Variants in BTNL2 observed in about 807,000 individuals in gnomAD.
The protein encoded by BTNL2 is butyrophilin-like protein 2.
A neutral mutation model predicts 46.8 loss-of-function variants in BTNL2; 46 were observed. The ratio of observed to expected loss-of-function variants is 0.98; its 90% CI spans 0.78 to 1.26. The LOEUF (loss-of-function observed/expected upper bound fraction) is 1.26, where lower values mean the gene tolerates loss of function less well. Among genes scored for constraint, BTNL2 ranks in the 50% most tolerant of loss-of-function variants. BTNL2 has a pLI of 0.00. For synonymous variants in BTNL2, 226 were observed against 229.1 expected, an observed-to-expected ratio of 0.99 and a Z score of 0.12; for missense variants, 461 against 592.6, an observed-to-expected ratio of 0.78 and a Z score of 2.31.
chr6:32,396,515 TC>T lies in BTNL2; in HGVS notation c.731-130del. ...AGGGTTGCTGTGAGGCTCAGGGTCA[TC>T]CTTAGGTGAGGTGGGGGTTTCATGG... On this transcript the variant is annotated intron_variant, in intron 4 of 7. Transcript: ENST00000454136. This position sits in a 1 kb window ranked among gnomAD's most constrained non-coding sequence, Gnocchi z 4.4. The T allele has an allele frequency of 3.4e-6, 3 of 885,954 alleles. No individual in the cohort carries two copies. Among genetic ancestry groups the T allele is most frequent in the Non-Finnish European group, 3.6e-6 (2 of 560,102 alleles). 54.9% of individuals were successfully genotyped at this position (885,954 alleles called of 1,614,324 possible). A position where few individuals can be genotyped will look rare whatever the true frequency, so the allele number is the denominator to read the frequency against.
At position 32,402,998 on chromosome 6, in the gene BTNL2, C is replaced by A. The variant is rs1776878673; in HGVS notation, c.646G>T (p.Val216Leu). Residue 216 changes from valine (V) to leucine (L), a missense_variant, in exon 3 of 8, where the codon GTG (valine) becomes TTG (leucine). Transcript: ENST00000454136. ...ACGGGGTTGTGGACCAAGCAGGACACAGACTCTGCAGAGGCGTTCCTGACC... is the reference window on the plus strand; with the variant it reads ...ACGGGGTTGTGGACCAAGCAGGACAAAGACTCTGCAGAGGCGTTCCTGACC... ...LVVRNASAESVSCLVHNPVLT... is the reference protein window; with the variant it reads ...LVVRNASAESLSCLVHNPVLT... The A allele has an allele frequency of 6.2e-7, 1 of 1,612,920 alleles. No individual in the cohort carries two copies. Among genetic ancestry groups the A allele is most frequent in the African/African-American group, 1.3e-5 (1 of 74,914 alleles).
In BTNL2 at chr6:32,394,932, T is replaced by A; in HGVS notation, c.1172A>T (p.His391Leu). 6.2e-7 allele frequency: 1 copy of A among 1,614,150 alleles called. No homozygotes were observed. The highest frequency in any genetic ancestry group is 1.1e-5 in the South Asian group (1 of 91,076). ...CSSDGWFPQPHVPWRDMEGKT... is the reference protein window; with the variant it reads ...CSSDGWFPQPLVPWRDMEGKT... ...TCCTTCCATGTCCCTCCATGGCACG[T>A]GGGGCTGTGGGAACCACCCATCTGA... Residue 391 changes from histidine (H) to leucine (L), a missense_variant, in exon 6 of 8, where the codon CAC becomes CTC. Physicochemically the swap from His to Leu is moderately conservative, Grantham distance 99. Transcript: ENST00000454136. The surrounding 1 kb of genome is among the most constrained non-coding windows in gnomAD (Gnocchi z 4.6).
chr6:32,399,974 G>A lies in BTNL2; in HGVS notation c.730+1811C>T, dbSNP rs910704431. Among the ~76,000 whole-genome samples the A allele has an allele frequency of 6.6e-6, 1 of 151,702 alleles. No homozygotes were observed. On this transcript the variant is annotated intron_variant, in intron 4 of 7. Coordinates refer to ENST00000454136, the MANE Select transcript of BTNL2 (RefSeq NM_001304561.2). The surrounding 1 kb of genome is among the most constrained non-coding windows in gnomAD (Gnocchi z 5.2). ...TTCCGTGTTGGTTAATTGTGGCCCC[G>A]GAGGTTACCATGACTTAGGAACAAC...
In BTNL2 at chr6:32,403,166, C is replaced by T. The variant is rs1776898890; in HGVS notation, c.478G>A (p.Val160Ile). Residue 160 changes from valine (V) to isoleucine (I), a missense_variant, in exon 3 of 8, where the codon GTC (valine) becomes ATC (isoleucine). Val to Ile is a conservative substitution (Grantham distance 29). Transcript: ENST00000454136. ...IHMEGPGESGVQLVCTARGWF... is the reference protein window; with the variant it reads ...IHMEGPGESGIQLVCTARGWF... ...CCCCTTGCAGTGCACACAAGCTGGA[C>T]TCCACTCTCCCCAGGTCCCTCCATG... The T allele has an allele frequency of 1.9e-6, 3 of 1,612,138 alleles. No homozygotes were observed. The highest frequency in any genetic ancestry group is 2.5e-6 in the Non-Finnish European group (3 of 1,179,718).
At position 32,405,325 on chromosome 6, in the gene BTNL2, A is replaced by G. The variant is rs755298818; in HGVS notation, c.80-39T>C. On this transcript the variant is annotated intron_variant, in intron 1 of 7. Transcript: ENST00000454136. Reference sequence around the variant, plus strand: ...GAAAAAGAGGAACGAGGAAATGCCAATCAGAAAATCATATGCATGCTTTGG... The same window carrying G: ...GAAAAAGAGGAACGAGGAAATGCCAGTCAGAAAATCATATGCATGCTTTGG... 6.9e-6 allele frequency: 11 copies of G among 1,589,642 alleles called. No homozygotes were observed. In the South Asian group the frequency reaches 1.1e-4, roughly 16 times the overall value.
At position 32,407,160 on chromosome 6, in the gene BTNL2, A is replaced by C. The variant is rs368721492; in HGVS notation, c.-37T>G. The C allele has an allele frequency of 9.5e-4, 1,506 of 1,588,216 alleles. 1 individual carries two copies. Among genetic ancestry groups the C allele is most frequent in the South Asian group, 1.1e-3 (100 of 90,504 alleles). ...CAAAGACAAGGAAACGCTGTGCCTA[A>C]GTGAGGCTGTGACACACCCGGCACA... On this transcript the variant is annotated 5_prime_UTR_variant, in exon 1 of 8. Transcript: ENST00000454136.
Position 32,396,135 on chromosome 6 carries a change from T to A in BTNL2, c.982A>T (p.Ile328Leu), listed in dbSNP as rs748969697. 36 of 1,612,972 alleles carry A rather than the reference T, an allele frequency of 2.2e-5. No homozygotes were observed. The highest frequency in any genetic ancestry group is 3.0e-5 in the Non-Finnish European group (35 of 1,180,036). Residue 328 changes from isoleucine to leucine, a missense_variant, in exon 5 of 8, where the codon ATA becomes TTA. By Grantham distance (5) the Ile-to-Leu change is conservative (BLOSUM62 2). Coordinates refer to ENST00000454136, the MANE Select transcript of BTNL2 (RefSeq NM_001304561.2). This position sits in a 1 kb window ranked among gnomAD's most constrained non-coding sequence, Gnocchi z 4.4. The part of the protein sequence containing the change: ...AIDEGRLTLQ[I>L]LSARPSDDGQ... The stretch of plus-strand genomic sequence containing the variant: ...TCGTCCGAAGGTCTGGCACTGAGTA[T>A]CTGCAGGGTCAGTCTGCCCTCGTCA...
rs34525489 is a variant in BTNL2 at position 32,394,117 on chromosome 6, A to G, written c.1361-60T>C. 184,867 of 1,493,740 alleles carry G rather than the reference A, an allele frequency of 0.12. 14,979 individuals carry two copies. The highest frequency in any genetic ancestry group is 0.13 in the Admixed American group (6,372 of 50,076). The allele number at this position is 1,493,740 out of a possible 1,614,324, so 92.5% of individuals were successfully genotyped here. ...GAAACTGGGACAATATTAAGATTGTACTTTTCATCTGAGCAGCTTCTAGGC... is the reference window on the plus strand; with the variant it reads ...GAAACTGGGACAATATTAAGATTGTGCTTTTCATCTGAGCAGCTTCTAGGC... On this transcript the variant is annotated intron_variant, in intron 6 of 7. Transcript: ENST00000454136. This position sits in a 1 kb window ranked among gnomAD's most constrained non-coding sequence, Gnocchi z 4.6.
In BTNL2 at chr6:32,396,967, G is replaced by A. The variant is rs140730740; in HGVS notation, c.731-581C>T. Reference sequence around the variant, plus strand: ...TGCACTCCAGGCTGGGTGACAAAGCGAGACTTTAAAAACAAACAAACAAAA... The same window carrying A: ...TGCACTCCAGGCTGGGTGACAAAGCAAGACTTTAAAAACAAACAAACAAAA... On this transcript the variant is annotated intron_variant, in intron 4 of 7. Coordinates refer to ENST00000454136, the MANE Select transcript of BTNL2 (RefSeq NM_001304561.2). This position sits in a 1 kb window ranked among gnomAD's most constrained non-coding sequence, Gnocchi z 4.4. Among the ~76,000 whole-genome samples the A allele has an allele frequency of 0.012, 1,798 of 152,122 alleles. 62 individuals are homozygous for A. Among genetic ancestry groups the A allele is most frequent in the East Asian group, 0.1 (535 of 5,118 alleles).
chr6:32,401,717 G>A, intron 4 of BTNL2, 68 bp downstream of exon 4: 17 of 1,448,584 alleles, frequency 1.2e-5, no homozygotes, highest in Non-Finnish European at 1.5e-5. Context: ...TCTCGTGGTA[G>A]CTCCCCTCCC....
Position 32,399,326 on chromosome 6 carries a change from G to A in BTNL2, c.730+2459C>T, listed in dbSNP as rs780117826. Reference sequence around the variant, plus strand: ...TGAAAAATTAATTCCCTTCTGGAGCGTGAAGTACACTGAATTATACACTGA... The same window carrying A: ...TGAAAAATTAATTCCCTTCTGGAGCATGAAGTACACTGAATTATACACTGA... On this transcript the variant is annotated intron_variant, in intron 4 of 7. Transcript: ENST00000454136. This position sits in a 1 kb window ranked among gnomAD's most constrained non-coding sequence, Gnocchi z 5.2. Among the ~76,000 whole-genome samples, 16 of 152,280 alleles carry A rather than the reference G, an allele frequency of 1.1e-4. No homozygotes were observed. Among genetic ancestry groups the A allele is most frequent in the Admixed American group, 2.6e-4 (4 of 15,304 alleles).
In BTNL2 at chr6:32,399,165, G is replaced by A. The variant is rs183862394; in HGVS notation, c.730+2620C>T. 2.6e-5 allele frequency among the ~76,000 whole-genome samples: 4 copies of A among 152,300 alleles called. No individual in the cohort carries two copies. Among genetic ancestry groups the A allele is most frequent in the African/African-American group, 9.6e-5 (4 of 41,554 alleles). ...CACCAATCAGCTCCCCCTTATAAGT[G>A]TGAACATGCAGTAGTTAACCTCCTT... On this transcript the variant is annotated intron_variant, in intron 4 of 7. Transcript: ENST00000454136. This position sits in a 1 kb window ranked among gnomAD's most constrained non-coding sequence, Gnocchi z 5.2.
chr6:32,398,009 G>A (rs1484505371), intron 4 of BTNL2, among the ~76,000 whole-genome samples: 2 of 152,102 alleles, frequency 1.3e-5, no homozygotes, highest in South Asian at 4.1e-4. Flanking sequence ...TGGGGAAGTC[G>A]GCAAAGTACA....
chr6:32,405,243 C>G lies in BTNL2; in HGVS notation c.123G>C (p.Gly41=), dbSNP rs200023941. Residue 41 remains glycine, a synonymous_variant, in exon 2 of 8, where the codon GGG becomes GGC. Coordinates refer to ENST00000454136, the MANE Select transcript of BTNL2 (RefSeq NM_001304561.2). The part of the protein sequence containing the change: ...VIGPAHPILA[G]VGEDALLTCQ... ...AGGTTAACAGGGCATCTTCCCCAAC[C>G]CCGGCCAGGATAGGATGAGCAGGGC... 112 of 1,612,908 alleles carry G rather than the reference C, an allele frequency of 6.9e-5. No individual in the cohort carries two copies. The highest frequency in any genetic ancestry group is 9.2e-5 in the Non-Finnish European group (108 of 1,180,040).
In BTNL2 at chr6:32,396,174, C is replaced by T. The variant is rs1402124652; in HGVS notation, c.943G>A (p.Val315Met). ...CTGCCCTCGTCAATGGCGTCACTCA[C>T]CAGTACAGTCCTCCCTCTGTACTCT... ...MAEYRGRTVL[V>M]SDAIDEGRLT... Residue 315 changes from valine (V) to methionine (M), a missense_variant, in exon 5 of 8, where the codon GTG becomes ATG. Coordinates refer to ENST00000454136, the MANE Select transcript of BTNL2 (RefSeq NM_001304561.2). This position sits in a 1 kb window ranked among gnomAD's most constrained non-coding sequence, Gnocchi z 4.4. The T allele has an allele frequency of 6.2e-7, 1 of 1,613,114 alleles. No individual in the cohort carries two copies. The highest frequency in any genetic ancestry group is 8.5e-7 in the Non-Finnish European group (1 of 1,180,024).
chr6:32,394,319 C>A lies in BTNL2; in HGVS notation c.1361-262G>T, dbSNP rs909655344. 1.3e-5 allele frequency among the ~76,000 whole-genome samples: 2 copies of A among 152,082 alleles called. No individual in the cohort carries two copies. The highest frequency in any genetic ancestry group is 4.8e-5 in the African/African-American group (2 of 41,400). The stretch of plus-strand genomic sequence containing the variant: ...CTATATCACACAATCACTGGAATGA[C>A]TTGAGGAGGAAAGGATAAAATTACT... On this transcript the variant is annotated intron_variant, in intron 6 of 7. Coordinates refer to ENST00000454136, the MANE Select transcript of BTNL2 (RefSeq NM_001304561.2). The surrounding 1 kb of genome is among the most constrained non-coding windows in gnomAD (Gnocchi z 4.6).
chr6:32,396,287 C>T lies in BTNL2; in HGVS notation c.830G>A (p.Ser277Asn). ...GGATCGGTCCCACCTCACCTCCATG[C>T]TCTGTGCATTCGCCTTGGGGGACAG... ...CYLSPKANAQ[S>N]MEVRWDRSHR... The change falls in exon 5 of 8, where the codon AGC (serine) becomes AAC (asparagine). Residue 277 changes from serine (S) to asparagine (N), a missense_variant. Transcript: ENST00000454136. This position sits in a 1 kb window ranked among gnomAD's most constrained non-coding sequence, Gnocchi z 4.4. The T allele has an allele frequency of 6.2e-7, 1 of 1,613,012 alleles. No homozygotes were observed. Among genetic ancestry groups the T allele is most frequent in the Non-Finnish European group, 8.5e-7 (1 of 1,179,944 alleles).
chr6:32,396,582 C>G lies in BTNL2; in HGVS notation c.731-196G>C. 1 of 603,968 alleles carries G rather than the reference C, an allele frequency of 1.7e-6. No homozygotes were observed. Among genetic ancestry groups the G allele is most frequent in the Admixed American group, 2.8e-5 (1 of 35,842 alleles). 37.4% of individuals were successfully genotyped at this position (603,968 alleles called of 1,614,324 possible). On this transcript the variant is annotated intron_variant, in intron 4 of 7. Coordinates refer to ENST00000454136, the MANE Select transcript of BTNL2 (RefSeq NM_001304561.2). The surrounding 1 kb of genome is among the most constrained non-coding windows in gnomAD (Gnocchi z 4.4). ...TGCTCTTCTTTAAGGAGGAATCATT[C>G]CATGATGTGTGTCAGTCTGAGTAAA...
chr6:32,401,361 G>A (rs191921237), intron 4 of BTNL2, among the ~76,000 whole-genome samples: 2,612 of 151,932 alleles, frequency 0.017, 74 homozygotes, highest in East Asian at 0.11. Flanking sequence ...TAGCAGAGTT[G>A]AGCAGGGAGG....
Sources: allele counts gnomAD v4.1 joint callset (sites outside exome capture counted in the v4.1 genomes callset), GRCh38; gene constraint gnomAD v4.1.1; non-coding constraint Gnocchi (gnomAD v3.1); transcripts MANE v1.5; gene names NCBI Gene and HGNC (gene_info 2026-07-23, HGNC 2026-07-21).